The following KANK1 variants were observed in gnomAD, a reference collection of about 807,000 sequenced individuals.
The protein encoded by KANK1 is KN motif and ankyrin repeat domain-containing protein 1.
KANK1 carries 109 observed loss-of-function variants against 106.2 expected under a neutral mutation model. The ratio of observed to expected loss-of-function variants is 1.03; its 90% CI spans 0.88 to 1.20. KANK1 has a LOEUF of 1.20. Ranked by LOEUF, KANK1 falls within the 50% of genes most tolerant of loss-of-function variation. The pLI is 0.00. For missense variants in KANK1, 2,399 were observed against 1,710.7 expected (o/e 1.40, Z -7.10); for synonymous variants, 873 against 652.2 (o/e 1.34, Z -5.16).
intron 1 of KANK1, among the ~76,000 whole-genome samples, chr9:531,094 T>A (rs1450301870): frequency 6.6e-6 from 1 of 152,234 alleles, no homozygotes; most frequent in Non-Finnish European, 1.5e-5. Flanking sequence ...GCTTCCTTTT[T>A]TTTTTAAATC....
At chr9:564,935 G>A (rs530886765) in intron 1 of KANK1, among the ~76,000 whole-genome samples, 28 of 152,296 alleles carry the variant, frequency 1.8e-4, no homozygotes, top group African/African-American at 6.3e-4. Flanking sequence ...AAGACACTTG[G>A]CACAGACATG....
chr9:591,119 G>A (rs1179064843), intron 1 of KANK1, among the ~76,000 whole-genome samples: 2 of 151,334 alleles, frequency 1.3e-5, no homozygotes, highest in Non-Finnish European at 2.9e-5. Flanking sequence ...TTCTCCAGAG[G>A]GGTATTTGCT....
chr9:535,817 G>T (rs1276259412), intron 1 of KANK1, among the ~76,000 whole-genome samples: 11 of 152,112 alleles, frequency 7.2e-5, no homozygotes, highest in Admixed American at 7.2e-4. Context: ...AGTCTTCTGG[G>T]TCCTCACAAG....
chr9:724,358 G>T (rs925826019), intron 3 of KANK1, among the ~76,000 whole-genome samples: 5 of 152,170 alleles, frequency 3.3e-5, no homozygotes, highest in Admixed American at 3.3e-4. Context: ...CTAGTAATGG[G>T]AAGACAGGAG....
intron 2 of KANK1, chr9:471,316 C>T (rs1235809189): frequency 6.6e-6 from 1 of 152,256 alleles, no homozygotes; most frequent in Admixed American, 6.5e-5. Flanking sequence ...GATGGGGTCT[C>T]CAGGACAGGG....
intron 1 of KANK1, among the ~76,000 whole-genome samples, chr9:645,439 T>TAAAAA (rs376740141): frequency 4.3e-5 from 3 of 70,270 alleles, no homozygotes; most frequent in Admixed American, 1.7e-4. Context: ...GACTGTGTCT[T>TAAAAA]AAAAAAAAAA....
intron 1 of KANK1, among the ~76,000 whole-genome samples, chr9:658,578 G>A (rs1348480417): frequency 6.6e-6 from 1 of 151,818 alleles, no homozygotes; most frequent in African/African-American, 2.4e-5. Flanking sequence ...AGGTCTTAAA[G>A]ATCTTCTAGG....
At chr9:535,202 G>T (rs1255679615) in intron 1 of KANK1, among the ~76,000 whole-genome samples, 1 of 152,106 alleles carries the variant, frequency 6.6e-6, no homozygotes, top group Non-Finnish European at 1.5e-5. Context: ...GTTTTCCTCA[G>T]ACCTCAGTAC....
At chr9:478,934 T>C (rs1296718363) in intron 3 of KANK1, among the ~76,000 whole-genome samples, 6 of 151,972 alleles carry the variant, frequency 3.9e-5, no homozygotes, top group Non-Finnish European at 7.4e-5. Context: ...TTTTTTTTTT[T>C]TTTTTGAGAG....
At chr9:473,155 C>T (rs571458320) in intron 2 of KANK1, 4 of 152,334 alleles carry the variant, frequency 2.6e-5, no homozygotes, top group Admixed American at 2.6e-4. Context: ...TGCCAGCTCA[C>T]CTGATCCTCA....
chr9:505,590 A>G (rs2058716752), intron 1 of KANK1, among the ~76,000 whole-genome samples: 1 of 151,834 alleles, frequency 6.6e-6, no homozygotes, highest in African/African-American at 2.4e-5. Flanking sequence ...TTCAGAGGCA[A>G]CTGTTCTTGG....
intron 2 of KANK1, among the ~76,000 whole-genome samples, chr9:682,861 G>A (rs1415097259): frequency 1.3e-5 from 2 of 152,214 alleles, no homozygotes; most frequent in African/African-American, 4.8e-5. Flanking sequence ...GCCAGACAGA[G>A]CCAGGCTCAT....
At chr9:494,424 C>G (rs556225542) in intron 3 of KANK1, among the ~76,000 whole-genome samples, 1 of 152,148 alleles carries the variant, frequency 6.6e-6, no homozygotes, top group Non-Finnish European at 1.5e-5. Flanking sequence ...ATAGAATTCT[C>G]CCCTGTTACT....
At position 532,364 on chromosome 9, in the gene KANK1, CTTTTTTTTTT is replaced by C. The variant is rs1187078952; in HGVS notation, c.-84+27626_-84+27635del. ...TCAAGCGATTCTCCTGCCTCAAGCA[CTTTTTTTTTT>C]TTTTTTTTTTTTTTTACCATTTCAA... On this transcript the variant is annotated intron_variant, in intron 1 of 11. Transcript: ENST00000382297. Among the ~76,000 whole-genome samples, 15 of 81,860 alleles carry C rather than the reference CTTTTTTTTTT, an allele frequency of 1.8e-4. 1 individual carries two copies. In the East Asian group the frequency reaches 6.1e-3, roughly 33 times the overall value. The allele number at this position is 81,860 out of a possible 152,430, so 53.7% of individuals were successfully genotyped here. A position where few individuals can be genotyped will look rare whatever the true frequency, so the allele number is the denominator to read the frequency against.
chr9:726,497 G>C (rs564487947), intron 3 of KANK1, among the ~76,000 whole-genome samples: 1 of 152,110 alleles, frequency 6.6e-6, no homozygotes, highest in Non-Finnish European at 1.5e-5. Flanking sequence ...AAATTAGCTA[G>C]GCATGGTGGC....
intron 1 of KANK1, among the ~76,000 whole-genome samples, chr9:605,058 C>G (rs773652201): frequency 6.6e-6 from 1 of 151,656 alleles, no homozygotes; most frequent in African/African-American, 2.4e-5. Flanking sequence ...AATCCCAGCT[C>G]TTTGGGAGGC....
chr9:742,710 T>A (rs1476921478), intron 10 of KANK1, among the ~76,000 whole-genome samples: 3 of 152,194 alleles, frequency 2.0e-5, no homozygotes, highest in African/African-American at 7.2e-5. Flanking sequence ...AATCAATGGA[T>A]TTGCACTGCA....
chr9:646,585 G>A (rs1354886036), intron 1 of KANK1, among the ~76,000 whole-genome samples: 1 of 150,346 alleles, frequency 6.7e-6, no homozygotes, highest in Admixed American at 6.6e-5. Flanking sequence ...CTCTCAGTTA[G>A]GTTCATTATT....
chr9:645,439 TAAAAA>T (rs376740141), intron 1 of KANK1, among the ~76,000 whole-genome samples: 13 of 70,250 alleles, frequency 1.9e-4, no homozygotes, highest in African/African-American at 7.0e-4. Context: ...GACTGTGTCT[TAAAAA>T]AAAAAAAAAA....
Sources: allele counts gnomAD v4.1 joint callset (sites outside exome capture counted in the v4.1 genomes callset), GRCh38; gene constraint gnomAD v4.1.1; transcripts MANE v1.5; gene names NCBI Gene and HGNC (gene_info 2026-07-23, HGNC 2026-07-21).